The following GLIPR1 variants were observed in gnomAD, a reference collection of about 807,000 sequenced individuals.
GLIPR1 encodes the protein GLI pathogenesis related 1, also known as glioma pathogenesis-related protein 1.
GLIPR1 carries 38 observed loss-of-function variants against 30.3 expected under a neutral mutation model. The observed-to-expected ratio is 1.26, with a 90% CI of 0.97 to 1.65. The LOEUF (loss-of-function observed/expected upper bound fraction) is 1.65, where lower values mean the gene tolerates loss of function less well. GLIPR1 is among the 40% of genes most tolerant of loss of function. GLIPR1 has a pLI of 0.00. For missense variants in GLIPR1, 285 were observed against 326.5 expected, an observed-to-expected ratio of 0.87 and a Z score of 0.98; for synonymous variants, 122 against 110.6, an observed-to-expected ratio of 1.10 and a Z score of -0.65.
At chr12:75,485,853 C>T (rs1331953823) in intron 2 of GLIPR1, among the ~76,000 whole-genome samples, 2 of 152,082 alleles carry the variant, frequency 1.3e-5, no homozygotes, top group Non-Finnish European at 1.5e-5. Context: ...TGACCTGTTT[C>T]ACAATTTCTG....
intron 4 of GLIPR1, chr12:75,497,180 C>A (rs1437068033): frequency 1.3e-5 from 2 of 151,996 alleles, no homozygotes. Context: ...TTTTTTTCAA[C>A]GAAACAACCC....
At chr12:75,495,361 G>A (rs2046344042) in intron 3 of GLIPR1, 3 of 449,922 alleles carry the variant, frequency 6.7e-6, no homozygotes, top group Non-Finnish European at 8.1e-6. Flanking sequence ...ATGGGATGCA[G>A]ATTAAAACAG....
intron 4 of GLIPR1, chr12:75,497,153 G>A (rs1008097661): frequency 6.6e-6 from 1 of 152,070 alleles, no homozygotes; most frequent in African/African-American, 2.4e-5. Flanking sequence ...GTGACTTTGG[G>A]CAAGTTTCTG....
In GLIPR1 at chr12:75,489,143, T is replaced by C. The variant is rs141292988; in HGVS notation, c.421-1263T>C. On this transcript the variant is annotated intron_variant, in intron 2 of 5. Transcript: ENST00000266659. Reference sequence around the variant, plus strand: ...TATATAATTGAATTTGTGGAGCCCATTGCAAAATGATGTGGAATCTTTTGT... The same window carrying C: ...TATATAATTGAATTTGTGGAGCCCACTGCAAAATGATGTGGAATCTTTTGT... 2.8e-3 allele frequency among the ~76,000 whole-genome samples: 421 copies of C among 152,264 alleles called. 2 individuals carry two copies. The highest frequency in any genetic ancestry group is 9.7e-3 in the African/African-American group (404 of 41,548).
In GLIPR1 at chr12:75,502,272, TG is replaced by T; in HGVS notation, c.*3296del. The T allele has an allele frequency of 3.4e-6, 1 of 293,690 alleles. No individual in the cohort carries two copies. The allele number at this position is 293,690 out of a possible 1,614,324, so 18.2% of individuals were successfully genotyped here. A position where few individuals can be genotyped will look rare whatever the true frequency, so the allele number is the denominator to read the frequency against. The stretch of plus-strand genomic sequence containing the variant: ...GATTCAGAAAAGTGTGAGAAGAAAC[TG>T]GAGAGAGAGTTTTGGGGAAAATTTG... On this transcript the variant is annotated 3_prime_UTR_variant, in exon 6 of 6. Coordinates refer to ENST00000266659, the MANE Select transcript of GLIPR1 (RefSeq NM_006851.3).
At chr12:75,488,893 C>G (rs1481694247) in intron 2 of GLIPR1, among the ~76,000 whole-genome samples, 1 of 152,148 alleles carries the variant, frequency 6.6e-6, no homozygotes, top group Non-Finnish European at 1.5e-5. Context: ...TGCTTTTTTT[C>G]TAAGTTTTGT....
In GLIPR1 at chr12:75,502,876, C is replaced by CCTAA. The variant is rs1227516805; in HGVS notation, c.*3902_*3905dup. On this transcript the variant is annotated 3_prime_UTR_variant, in exon 6 of 6. Coordinates refer to ENST00000266659, the MANE Select transcript of GLIPR1 (RefSeq NM_006851.3). ...AATGACTGCATCACTCCACTTTCCCCCTAACTACTATCAATTTCCTCCATG... is the reference window on the plus strand; with the variant it reads ...AATGACTGCATCACTCCACTTTCCCCCTAACTAACTACTATCAATTTCCTCCATG... 2 of 151,970 alleles carry CCTAA rather than the reference C, an allele frequency of 1.3e-5. No individual in the cohort carries two copies. The highest frequency in any genetic ancestry group is 4.8e-5 in the African/African-American group (2 of 41,400). 9.4% of individuals were successfully genotyped at this position (151,970 alleles called of 1,614,324 possible).
Position 75,502,050 on chromosome 12 carries a change from G to T in GLIPR1, c.*3072G>T. 2 of 1,450,338 alleles carry T rather than the reference G, an allele frequency of 1.4e-6. No homozygotes were observed. Among genetic ancestry groups the T allele is most frequent in the Non-Finnish European group, 1.9e-6 (2 of 1,035,060 alleles). The allele number at this position is 1,450,338 out of a possible 1,614,324, so 89.8% of individuals were successfully genotyped here. A position where few individuals can be genotyped will look rare whatever the true frequency, so the allele number is the denominator to read the frequency against. ...ACATCAGAAATAATGTAGAGGAGAA[G>T]TCATGTCCTAAGCAAGTCACAATAT... is the stretch of plus-strand genomic sequence containing the variant. On this transcript the variant is annotated 3_prime_UTR_variant, in exon 6 of 6. Transcript: ENST00000266659.
chr12:75,483,378 T>TA (rs1386619728), intron 2 of GLIPR1: 2 of 152,208 alleles, frequency 1.3e-5, no homozygotes, highest in Non-Finnish European at 2.9e-5. Context: ...AGTCAGTGTT[T>TA]AAGCTTTTAC....
At position 75,490,529 on chromosome 12, in the gene GLIPR1, G is replaced by C; in HGVS notation, c.533+11G>C. 2 of 484,588 alleles carry C rather than the reference G, an allele frequency of 4.1e-6. No homozygotes were observed. The highest frequency in any genetic ancestry group is 7.1e-5 in the East Asian group (1 of 14,162). The allele number at this position is 484,588 out of a possible 1,614,324, so 30.0% of individuals were successfully genotyped here. A position where few individuals can be genotyped will look rare whatever the true frequency, so the allele number is the denominator to read the frequency against. On this transcript the variant is annotated intron_variant, in intron 3 of 5. Coordinates refer to ENST00000266659, the MANE Select transcript of GLIPR1 (RefSeq NM_006851.3). ...CAACTACGGACCAGGGTAAGTGCCT[G>C]AATCAACCGGTTTATAGGAAACGCC...
At position 75,502,853 on chromosome 12, in the gene GLIPR1, T is replaced by C. The variant is rs1251300049; in HGVS notation, c.*3875T>C. On this transcript the variant is annotated 3_prime_UTR_variant, in exon 6 of 6. Coordinates refer to ENST00000266659, the MANE Select transcript of GLIPR1 (RefSeq NM_006851.3). ...CAGGTGTTATGGAAGCATGGTTTAA[T>C]GACTGCATCACTCCACTTTCCCCCT... The C allele has an allele frequency of 1.3e-5, 2 of 152,064 alleles. No individual in the cohort carries two copies. The highest frequency in any genetic ancestry group is 2.9e-5 in the Non-Finnish European group (2 of 67,950). 9.4% of individuals were successfully genotyped at this position (152,064 alleles called of 1,614,324 possible).
intron 2 of GLIPR1, among the ~76,000 whole-genome samples, chr12:75,485,533 T>TTTA (rs1555239138): frequency 4.9e-4 from 54 of 110,498 alleles, no homozygotes; most frequent in African/African-American, 1.6e-3. Flanking sequence ...GACAGCTTTA[T>TTTA]TTTATTTATT....
In GLIPR1 at chr12:75,481,051, C is replaced by A. The variant is rs763760752; in HGVS notation, c.171C>A (p.Tyr57Ter). ...EVKPTASDML[Y>*]MTWDPALAQI... ...AACCAACAGCCAGTGATATGCTATA[C>A]ATGGTAAGGAAAATATCATTAATTG... Residue 57 changes from tyrosine (Y) to a stop codon, truncating the protein, a stop_gained, in exon 1 of 6, where the codon TAC becomes TAA. Coordinates refer to ENST00000266659, the MANE Select transcript of GLIPR1 (RefSeq NM_006851.3). LOFTEE classifies it high-confidence loss of function. 1 of 1,605,320 alleles carries A rather than the reference C, an allele frequency of 6.2e-7. No homozygotes were observed. Among genetic ancestry groups the A allele is most frequent in the South Asian group, 1.1e-5 (1 of 90,458 alleles).
rs756010098 is a variant in GLIPR1, at chr12:75,498,989, G to GAAAGA, written c.*15_*19dup. 2.0e-6 allele frequency: 3 copies of GAAAGA among 1,524,854 alleles called. No homozygotes were observed. In the East Asian group the frequency reaches 7.0e-5, roughly 36 times the overall value. 94.5% of individuals were successfully genotyped at this position (1,524,854 alleles called of 1,614,324 possible). On this transcript the variant is annotated 3_prime_UTR_variant, in exon 6 of 6. Transcript: ENST00000266659. Reference sequence around the variant, plus strand: ...GTTCTTTTGGACTAATACAATTCAGGAAAGAAAAAACCCAAAAACCAACCT... The same window carrying GAAAGA: ...GTTCTTTTGGACTAATACAATTCAGGAAAGAAAAGAAAAAACCCAAAAACCAACCT...
chr12:75,499,118 G>GAAGA lies in GLIPR1; in HGVS notation c.*143_*146dup, dbSNP rs2046372202. 9 of 501,588 alleles carry GAAGA rather than the reference G, an allele frequency of 1.8e-5. No individual in the cohort carries two copies. The East Asian group carries it at 3.0e-4, about 17-fold the overall frequency. 31.1% of individuals were successfully genotyped at this position (501,588 alleles called of 1,614,324 possible). ...GTTATAGCAATACTCTTACTCAAAAGAAGAAATTTCCTAACTCTATCAGAT... is the reference window on the plus strand; with the variant it reads ...GTTATAGCAATACTCTTACTCAAAAGAAGAAAGAAATTTCCTAACTCTATCAGAT... On this transcript the variant is annotated 3_prime_UTR_variant, in exon 6 of 6. Coordinates refer to ENST00000266659, the MANE Select transcript of GLIPR1 (RefSeq NM_006851.3).
chr12:75,497,728 G>A (rs373277638), intron 4 of GLIPR1: 4 of 151,962 alleles, frequency 2.6e-5, no homozygotes, highest in Admixed American at 6.6e-5. Flanking sequence ...GTATTCCTTC[G>A]TGGTCTCCTA....
In GLIPR1 at chr12:75,499,025, T is replaced by C. The variant is rs560094879; in HGVS notation, c.*47T>C. On this transcript the variant is annotated 3_prime_UTR_variant, in exon 6 of 6. Coordinates refer to ENST00000266659, the MANE Select transcript of GLIPR1 (RefSeq NM_006851.3). The stretch of plus-strand genomic sequence containing the variant: ...CCCAAAAACCAACCTCATTCACATA[T>C]GGCTTTTTTTTTAACCAATAACAAT... The C allele has an allele frequency of 1.3e-5, 17 of 1,345,358 alleles. No individual in the cohort carries two copies. In the East Asian group the frequency reaches 1.4e-4, roughly 11 times the overall value. 83.3% of individuals were successfully genotyped at this position (1,345,358 alleles called of 1,614,324 possible). A position where few individuals can be genotyped will look rare whatever the true frequency, so the allele number is the denominator to read the frequency against.
intron 2 of GLIPR1, 82 bp downstream of exon 2, chr12:75,482,161 A>G (rs1241569421): frequency 5.9e-6 from 7 of 1,179,368 alleles, no homozygotes; most frequent in Non-Finnish European, 8.7e-6. Flanking sequence ...AAGAAAATGT[A>G]TAGTATGCTA....
rs1312084204 is a variant in GLIPR1 at position 75,498,796 on chromosome 12, AAG to A, written c.647-25_647-24del. The A allele has an allele frequency of 2.5e-6, 4 of 1,611,484 alleles. No homozygotes were observed. The African/African-American group carries it at 4.0e-5, about 16-fold the overall frequency. On this transcript the variant is annotated intron_variant, in intron 5 of 5. Transcript: ENST00000266659. ...CAGTGCATTATGAGGAACAATGTCT[AAG>A]AGGATATTCTATGTTTGTTTCACAG... is the stretch of plus-strand genomic sequence containing the variant.
Sources: allele counts gnomAD v4.1 joint callset (sites outside exome capture counted in the v4.1 genomes callset), GRCh38; gene constraint gnomAD v4.1.1; transcripts MANE v1.5; gene names NCBI Gene and HGNC (gene_info 2026-07-23, HGNC 2026-07-21).